Variants in PNKD observed in about 807,000 individuals in gnomAD.
PNKD encodes PNKD metallo-beta-lactamase domain containing.
A neutral mutation model predicts 45.3 loss-of-function variants in PNKD; 36 were observed. The ratio of observed to expected loss-of-function variants is 0.80; its 90% CI spans 0.61 to 1.05. PNKD has a LOEUF of 1.05. Ranked by LOEUF, PNKD falls within the 50% of genes least tolerant of loss-of-function variation. PNKD has a pLI of 0.00. For missense variants in PNKD, 511 were observed against 506.6 expected (o/e 1.01, Z -0.08); for synonymous variants, 197 against 210.1 (o/e 0.94, Z 0.54).
At chr2:218,307,245 G>C (rs998652615) in intron 2 of PNKD, among the ~76,000 whole-genome samples, 3 of 151,994 alleles carry the variant, frequency 2.0e-5, no homozygotes, top group African/African-American at 7.2e-5. Flanking sequence ...GGAGGCAATG[G>C]GGTTAGGGGG....
chr2:218,332,845 T>A (rs1694369265), intron 2 of PNKD, among the ~76,000 whole-genome samples: 1 of 152,122 alleles, frequency 6.6e-6, no homozygotes, highest in Non-Finnish European at 1.5e-5. Flanking sequence ...TTCCACTCTC[T>A]GCATGGCCTG....
intron 2 of PNKD, chr2:218,327,974 A>G (rs1020284016): frequency 2.0e-5 from 3 of 151,806 alleles, no homozygotes; most frequent in Admixed American, 2.0e-4. Flanking sequence ...AAAAAAAAAA[A>G]AAAAAGGAAA....
chr2:218,295,237 A>G (rs1310433555), intron 2 of PNKD, among the ~76,000 whole-genome samples: 1 of 152,264 alleles, frequency 6.6e-6, no homozygotes, highest in Non-Finnish European at 1.5e-5. Flanking sequence ...CTGCAAAATT[A>G]TTAAGTAAGC....
At chr2:218,333,282 A>G (rs75325197) in intron 2 of PNKD, among the ~76,000 whole-genome samples, 1,771 of 152,248 alleles carry the variant, frequency 0.012, 40 homozygotes, top group African/African-American at 0.04. Context: ...GCGAGTGACA[A>G]GGAGGGGCCT....
intron 2 of PNKD, among the ~76,000 whole-genome samples, chr2:218,328,887 C>G (rs960094557): frequency 7.5e-6 from 1 of 132,762 alleles, no homozygotes; most frequent in African/African-American, 2.8e-5. Flanking sequence ...GTTCACGGAC[C>G]GGCCTTCCTG....
At chr2:218,279,763 C>T (rs1317857435) in intron 2 of PNKD, among the ~76,000 whole-genome samples, 12 of 152,150 alleles carry the variant, frequency 7.9e-5, no homozygotes, top group African/African-American at 2.7e-4. Flanking sequence ...GGAAGGCGGG[C>T]GCTGTGGCAG....
chr2:218,323,255 G>A (rs772460427), intron 2 of PNKD: 4 of 1,498,172 alleles, frequency 2.7e-6, no homozygotes, highest in East Asian at 2.8e-5. Flanking sequence ...GCCGGCGCGT[G>A]CCTGCCCCCA....
intron 2 of PNKD, among the ~76,000 whole-genome samples, chr2:218,308,011 A>G (rs1040695632): frequency 6.6e-6 from 1 of 152,182 alleles, no homozygotes; most frequent in Admixed American, 6.5e-5. Context: ...AGTGAAAGGT[A>G]GAGACAGCAG....
chr2:218,298,060 C>T (rs989926322), intron 2 of PNKD, among the ~76,000 whole-genome samples: 5 of 151,302 alleles, frequency 3.3e-5, no homozygotes. Context: ...TGACTTCTGG[C>T]GCCTTCCTCA....
chr2:218,284,445 G>A (rs755645674), intron 2 of PNKD, among the ~76,000 whole-genome samples: 2 of 152,246 alleles, frequency 1.3e-5, no homozygotes, highest in Non-Finnish European at 2.9e-5. Flanking sequence ...AAGGGACTGT[G>A]GCAGCCACCG....
chr2:218,326,112 C>T lies in PNKD; in HGVS notation c.237-13671C>T, dbSNP rs1357362890. 6.6e-6 allele frequency among the ~76,000 whole-genome samples: 1 copy of T among 151,782 alleles called. No individual in the cohort carries two copies. The highest frequency in any genetic ancestry group is 2.4e-5 in the African/African-American group (1 of 41,258). ...GGACATGATGGGGAGGGGGAGGGCA[C>T]ATGCACTACCAACCTGAAGGTGTGG... On this transcript the variant is annotated intron_variant, in intron 2 of 9. Coordinates refer to ENST00000273077, the MANE Select transcript of PNKD (RefSeq NM_015488.5). This position sits in a 1 kb window ranked among gnomAD's most constrained non-coding sequence, Gnocchi z 4.1.
At chr2:218,312,466 C>T (rs1014784952) in intron 2 of PNKD, among the ~76,000 whole-genome samples, 1 of 150,808 alleles carries the variant, frequency 6.6e-6, no homozygotes, top group Admixed American at 6.6e-5. Context: ...AAGGCTATGG[C>T]TATTCAGAGG....
chr2:218,272,239 T>A (rs1304072970), intron 2 of PNKD, among the ~76,000 whole-genome samples: 1 of 151,130 alleles, frequency 6.6e-6, no homozygotes, highest in East Asian at 1.9e-4. Flanking sequence ...TGGAAAATCC[T>A]GCACAGGTGC....
At chr2:218,338,351 C>G (rs1694561951) in intron 2 of PNKD, among the ~76,000 whole-genome samples, 1 of 151,046 alleles carries the variant, frequency 6.6e-6, no homozygotes, top group Non-Finnish European at 1.5e-5. Context: ...ATCCCAGCTA[C>G]TCGGGAGGCT....
intron 2 of PNKD, among the ~76,000 whole-genome samples, chr2:218,336,677 C>T (rs1339998675): frequency 1.3e-5 from 2 of 151,598 alleles, no homozygotes; most frequent in Admixed American, 6.6e-5. Context: ...GACAGGGTCT[C>T]GCCATGTTGC....
chr2:218,298,613 C>T (rs1274670795), intron 2 of PNKD, among the ~76,000 whole-genome samples: 2 of 152,110 alleles, frequency 1.3e-5, no homozygotes, highest in African/African-American at 4.8e-5. Context: ...AGTGATTCTC[C>T]CAGTGATGAA....
In PNKD at chr2:218,342,118, G is replaced by A. The variant is rs767751539; in HGVS notation, c.755G>A (p.Gly252Glu). ...PYKGPSCLFS[G>E]DLLFLSGCGR... Reference sequence around the variant, plus strand: ...AAGGGTCCCTCCTGCCTCTTCTCAGGGGACCTGCTCTTCCTCTCTGGCTGT... The same window carrying A: ...AAGGGTCCCTCCTGCCTCTTCTCAGAGGACCTGCTCTTCCTCTCTGGCTGT... Residue 252 changes from glycine (G) to glutamate (E), a missense_variant, in exon 7 of 10, where the codon GGG (glycine) becomes GAG (glutamate). Transcript: ENST00000273077. 6.2e-7 allele frequency: 1 copy of A among 1,613,780 alleles called. No individual in the cohort carries two copies. The highest frequency in any genetic ancestry group is 1.1e-5 in the South Asian group (1 of 91,088).
At chr2:218,332,268 C>A (rs1044261826) in intron 2 of PNKD, among the ~76,000 whole-genome samples, 1 of 152,138 alleles carries the variant, frequency 6.6e-6, no homozygotes, top group African/African-American at 2.4e-5. Context: ...TGAGGCTGCG[C>A]TGGGGGCAGT....
chr2:218,308,621 C>G (rs781066525), intron 2 of PNKD, among the ~76,000 whole-genome samples: 4 of 150,738 alleles, frequency 2.7e-5, no homozygotes, highest in Admixed American at 6.6e-5. Flanking sequence ...GAGTATTGCT[C>G]TATCACCCAG....
Sources: allele counts gnomAD v4.1 joint callset (sites outside exome capture counted in the v4.1 genomes callset), GRCh38; gene constraint gnomAD v4.1.1; non-coding constraint Gnocchi (gnomAD v3.1); transcripts MANE v1.5; gene names NCBI Gene and HGNC (gene_info 2026-07-23, HGNC 2026-07-21).